The following PPP4C variants were observed in gnomAD, a reference collection of about 807,000 sequenced individuals.
The protein encoded by PPP4C is protein phosphatase 4 catalytic subunit, also known as serine/threonine-protein phosphatase 4 catalytic subunit.
Under a neutral mutation model 40.5 loss-of-function variants are expected in PPP4C, and 10 were observed. The ratio of observed to expected loss-of-function variants is 0.25; its 90% CI spans 0.15 to 0.42. PPP4C has a LOEUF of 0.42. PPP4C is among the 10% of genes least tolerant of loss of function. The pLI is 1.00. For synonymous variants in PPP4C, 187 were observed against 163.6 expected, an observed-to-expected ratio of 1.14 and a Z score of -1.09; for missense variants, 191 against 416.4, an observed-to-expected ratio of 0.46 and a Z score of 4.71.
intron 3 of PPP4C, among the ~76,000 whole-genome samples, 171 bp from the exon 4 acceptor site, chr16:30,082,313 T>C (rs1279432885): frequency 6.6e-6 from 1 of 152,128 alleles, no homozygotes; most frequent in African/African-American, 2.4e-5. Flanking sequence ...CATAGGACAG[T>C]GGGTATGGTT....
At chr16:30,077,059 C>T (rs1407557735) in intron 2 of PPP4C, among the ~76,000 whole-genome samples, 1 of 151,870 alleles carries the variant, frequency 6.6e-6, no homozygotes, top group Non-Finnish European at 1.5e-5. Context: ...AGGGTGGGAG[C>T]CTGAGAAATC....
At chr16:30,082,461 A>T in intron 3 of PPP4C, 23 bp from the exon 4 acceptor site, 2 of 1,611,194 alleles carry the variant, frequency 1.2e-6, no homozygotes, top group Non-Finnish European at 1.7e-6. Context: ...TTGAGTTCCA[A>T]CCCCACTCTT....
At position 30,083,591 on chromosome 16, in the gene PPP4C, G is replaced by A. The variant is rs2072551752; in HGVS notation, c.477+24G>A. 6.2e-7 allele frequency: 1 copy of A among 1,613,904 alleles called. No homozygotes were observed. Among genetic ancestry groups the A allele is most frequent in the Non-Finnish European group, 8.5e-7 (1 of 1,179,832 alleles). On this transcript the variant is annotated intron_variant, in intron 6 of 8. Transcript: ENST00000279387. The surrounding 1 kb of genome is among the most constrained non-coding windows in gnomAD (Gnocchi z 6.3). ...AGGTAAGCCAGCCCAGGGCTCCATG[G>A]GACAGGGAGAGGAGGGGGGCTTCAG... is the stretch of plus-strand genomic sequence containing the variant.
At chr16:30,084,566 T>G in intron 7 of PPP4C, 100 bp from the exon 8 acceptor site, 1 of 1,103,578 alleles carries the variant, frequency 9.1e-7, no homozygotes, top group Non-Finnish European at 1.3e-6. Flanking sequence ...GGGCCTCTGG[T>G]GGACTTGGGG....
chr16:30,083,746 G>A lies in PPP4C; in HGVS notation c.569G>A (p.Gly190Glu). 6.2e-7 allele frequency: 1 copy of A among 1,614,164 alleles called. No individual in the cohort carries two copies. Among genetic ancestry groups the A allele is most frequent in the Non-Finnish European group, 8.5e-7 (1 of 1,180,024 alleles). Residue 190 changes from glycine (G) to glutamate (E), a missense_variant, in exon 7 of 9, where the codon GGG (glycine) becomes GAG (glutamate). Around this residue, in one of 3 missense-constraint regions of PPP4C, gnomAD observed 171 missense variants for 352.4 expected, o/e 0.49. Coordinates refer to ENST00000279387, the MANE Select transcript of PPP4C (RefSeq NM_002720.3). This position sits in a 1 kb window ranked among gnomAD's most constrained non-coding sequence, Gnocchi z 6.3. ...CGAAAGCAAGAGGTGCCTCATGATG[G>A]GCCCATGTGTGACCTCCTCTGGTCT... is the stretch of plus-strand genomic sequence containing the variant. ...IDRKQEVPHD[G>E]PMCDLLWSDP...
Position 30,083,935 on chromosome 16 carries a change from A to G in PPP4C, c.604+154A>G. The G allele has an allele frequency of 8.5e-7, 1 of 1,177,414 alleles. No homozygotes were observed. Among genetic ancestry groups the G allele is most frequent in the Admixed American group, 2.3e-5 (1 of 44,082 alleles). 72.9% of individuals were successfully genotyped at this position (1,177,414 alleles called of 1,614,324 possible). On this transcript the variant is annotated intron_variant, in intron 7 of 8. Transcript: ENST00000279387. The surrounding 1 kb of genome is among the most constrained non-coding windows in gnomAD (Gnocchi z 6.3). The stretch of plus-strand genomic sequence containing the variant: ...GGAGGCCTGCATGGCAGGTGCTTTG[A>G]GCACACAGTGGCTTGGGGCATGGCC...
chr16:30,085,361 A>C lies in PPP4C; in HGVS notation c.*299A>C. On this transcript the variant is annotated 3_prime_UTR_variant, in exon 9 of 9. Transcript: ENST00000279387. Reference sequence around the variant, plus strand: ...GAAAAAAAATGAAAAAATTCTAATAAAAGAAGAAAAATGGTTTTTGGGTTT... The same window carrying C: ...GAAAAAAAATGAAAAAATTCTAATACAAGAAGAAAAATGGTTTTTGGGTTT... 1 of 274,834 alleles carries C rather than the reference A, an allele frequency of 3.6e-6. No homozygotes were observed. The highest frequency in any genetic ancestry group is 2.2e-5 in the African/African-American group (1 of 45,230). 17.0% of individuals were successfully genotyped at this position (274,834 alleles called of 1,614,324 possible). A position where few individuals can be genotyped will look rare whatever the true frequency, so the allele number is the denominator to read the frequency against.
intron 2 of PPP4C, among the ~76,000 whole-genome samples, chr16:30,077,987 C>T (rs2072434530): frequency 6.6e-6 from 1 of 152,180 alleles, no homozygotes; most frequent in South Asian, 2.1e-4. Context: ...TTCTCTTTTG[C>T]CAGCTGACCA....
At position 30,076,310 on chromosome 16, in the gene PPP4C, C is replaced by T; in HGVS notation, c.-63-5C>T. ...GATCCGCGGGCTCGTCTTGGCCTTT[C>T]CCAGGAGACCCCTGTGCGGTGCGGA... On this transcript the variant is annotated splice_region_variant and splice_polypyrimidine_tract_variant and intron_variant, in intron 1 of 8. Coordinates refer to ENST00000279387, the MANE Select transcript of PPP4C (RefSeq NM_002720.3). 1 of 1,523,880 alleles carries T rather than the reference C, an allele frequency of 6.6e-7. No homozygotes were observed. The highest frequency in any genetic ancestry group is 9.0e-7 in the Non-Finnish European group (1 of 1,111,248). 94.4% of individuals were successfully genotyped at this position (1,523,880 alleles called of 1,614,324 possible).
At position 30,082,787 on chromosome 16, in the gene PPP4C, G is replaced by A. The variant is rs755626867; in HGVS notation, c.243G>A (p.Gly81=). 1.9e-6 allele frequency: 3 copies of A among 1,614,120 alleles called. No individual in the cohort carries two copies. Among genetic ancestry groups the A allele is most frequent in the Non-Finnish European group, 2.5e-6 (3 of 1,180,024 alleles). Residue 81 remains glycine, a synonymous_variant, in exon 5 of 9, where the codon GGG becomes GGA. Transcript: ENST00000279387. The stretch of plus-strand genomic sequence containing the variant: ...CTGAGACCAACTACCTCTTCATGGG[G>A]GACTTTGTGGACCGTGGCTTCTATA... ...DVPETNYLFM[G]DFVDRGFYSV...
At chr16:30,082,280 C>T (rs1229122050) in intron 3 of PPP4C, among the ~76,000 whole-genome samples, 1 of 152,116 alleles carries the variant, frequency 6.6e-6, no homozygotes, top group Non-Finnish European at 1.5e-5. Flanking sequence ...CTAGCTCTTG[C>T]CTACAGAATA....
chr16:30,080,344 C>CAAAAAAAAAAAAA (rs766436567), intron 2 of PPP4C, among the ~76,000 whole-genome samples: 1 of 45,338 alleles, frequency 2.2e-5, no homozygotes, highest in Non-Finnish European at 4.5e-5. Context: ...GACTCTGTCT[C>CAAAAAAAAAAAAA]AAAAAAAAAA....
At chr16:30,081,521 C>A in intron 3 of PPP4C, 1 of 464,162 alleles carries the variant, frequency 2.2e-6, no homozygotes, top group Non-Finnish European at 3.9e-6. Flanking sequence ...AAGGTGGGCA[C>A]ATCACTTGAG....
chr16:30,084,939 G>C lies in PPP4C; in HGVS notation c.801G>C (p.Gly267=), dbSNP rs759633567. Reference sequence around the variant, plus strand: ...CTGCTGCCCCGCCTTCCAGCTGTGGGAATGTGGCAGCCATCTTGGAGCTGG... The same window carrying C: ...CTGCTGCCCCGCCTTCCAGCTGTGGCAATGTGGCAGCCATCTTGGAGCTGG... ...WSAPNYCYRC[G]NVAAILELDE... Residue 267 remains glycine, a synonymous_variant, in exon 9 of 9, where the codon GGG becomes GGC. Coordinates refer to ENST00000279387, the MANE Select transcript of PPP4C (RefSeq NM_002720.3). 1 of 1,614,090 alleles carries C rather than the reference G, an allele frequency of 6.2e-7. No individual in the cohort carries two copies. Among genetic ancestry groups the C allele is most frequent in the East Asian group, 2.2e-5 (1 of 44,882 alleles).
At chr16:30,080,344 CA>C (rs766436567) in intron 2 of PPP4C, among the ~76,000 whole-genome samples, 3,456 of 45,416 alleles carry the variant, frequency 0.076, 47 homozygotes, top group East Asian at 0.3. Flanking sequence ...GACTCTGTCT[CA>C]AAAAAAAAAA....
At chr16:30,082,034 G>C (rs1247040280) in intron 3 of PPP4C, among the ~76,000 whole-genome samples, 1 of 150,268 alleles carries the variant, frequency 6.7e-6, no homozygotes, top group Non-Finnish European at 1.5e-5. Context: ...CAGGCTAGGC[G>C]ACAGAGTGAG....
rs1173514754 is a variant in PPP4C, at chr16:30,081,588, C to CA, written c.150+283dup. The CA allele has an allele frequency of 1.4e-5, 4 of 290,568 alleles. No homozygotes were observed. The East Asian group carries it at 2.7e-4, about 20-fold the overall frequency. 18.0% of individuals were successfully genotyped at this position (290,568 alleles called of 1,614,324 possible). Reference sequence around the variant, plus strand: ...GGTGAAACCGTTTCTACTAAAAATACAAAAATTAGCCACGCGTGGTGGCAC... The same window carrying CA: ...GGTGAAACCGTTTCTACTAAAAATACAAAAAATTAGCCACGCGTGGTGGCAC... On this transcript the variant is annotated intron_variant, in intron 3 of 8. Coordinates refer to ENST00000279387, the MANE Select transcript of PPP4C (RefSeq NM_002720.3).
In PPP4C at chr16:30,083,260, A is replaced by G. The variant is rs1444420475; in HGVS notation, c.304-134A>G. The G allele has an allele frequency of 2.8e-6, 3 of 1,058,508 alleles. No homozygotes were observed. The highest frequency in any genetic ancestry group is 4.2e-6 in the Non-Finnish European group (3 of 722,700). 65.6% of individuals were successfully genotyped at this position (1,058,508 alleles called of 1,614,324 possible). ...CCTGGGAGGTGGCTGATGCCACACG[A>G]TTCAGGCAAGAGGTGCCAGGAGTGT... On this transcript the variant is annotated intron_variant, in intron 5 of 8. Coordinates refer to ENST00000279387, the MANE Select transcript of PPP4C (RefSeq NM_002720.3). The surrounding 1 kb of genome is among the most constrained non-coding windows in gnomAD (Gnocchi z 6.3).
intron 7 of PPP4C, among the ~76,000 whole-genome samples, chr16:30,084,464 C>T (rs2072579368): frequency 6.6e-6 from 1 of 152,268 alleles, no homozygotes; most frequent in African/African-American, 2.4e-5. Flanking sequence ...ATTGGGCGTT[C>T]TTTCTCCTCT....
Sources: allele counts gnomAD v4.1 joint callset (sites outside exome capture counted in the v4.1 genomes callset), GRCh38; gene constraint gnomAD v4.1.1; regional missense constraint gnomAD v4.1.1; non-coding constraint Gnocchi (gnomAD v3.1); transcripts MANE v1.5; gene names NCBI Gene and HGNC (gene_info 2026-07-23, HGNC 2026-07-21).